Variants in ZNF761 observed in about 807,000 individuals in gnomAD.
ZNF761 encodes the protein zinc finger protein 761.
A neutral mutation model predicts 59.9 loss-of-function variants in ZNF761; 43 were observed. The observed-to-expected ratio is 0.72, with a 90% CI of 0.56 to 0.92. The LOEUF (loss-of-function observed/expected upper bound fraction) is 0.92. Ranked by LOEUF, ZNF761 falls within the 40% of genes least tolerant of loss-of-function variation. The pLI, the probability that ZNF761 is intolerant of heterozygous loss-of-function variation, is 0.00. For missense variants in ZNF761, 850 were observed against 906.1 expected (o/e 0.94, Z 0.79); for synonymous variants, 294 against 304.8 (o/e 0.96, Z 0.37).
intron 1 of ZNF761, among the ~76,000 whole-genome samples, chr19:53,437,233 A>G (rs1054079080): frequency 3.3e-5 from 5 of 151,762 alleles, no homozygotes; most frequent in African/African-American, 1.2e-4. Context: ...CAAAAGAAAC[A>G]CTTGAACCTG....
intron 1 of ZNF761, among the ~76,000 whole-genome samples, chr19:53,432,413 C>A (rs1172859205): frequency 6.6e-6 from 1 of 152,158 alleles, no homozygotes; most frequent in African/African-American, 2.4e-5. Context: ...TCTGCCTGGT[C>A]CTAGGATCCT....
chr19:53,450,235 G>A (rs1172260315), intron 4 of ZNF761: 7 of 171,798 alleles, frequency 4.1e-5, no homozygotes, highest in South Asian at 2.0e-4. Context: ...CCTGGGAATC[G>A]GAGGTTGCAG....
intron 1 of ZNF761, among the ~76,000 whole-genome samples, chr19:53,436,533 T>A (rs2086043925): frequency 1.3e-5 from 2 of 152,208 alleles, no homozygotes; most frequent in African/African-American, 2.4e-5. Context: ...AAAGAGCTGA[T>A]CTTATCTCAG....
intron 2 of ZNF761, 23 bp from the exon 3 acceptor site, chr19:53,447,173 A>C: frequency 6.6e-7 from 1 of 1,509,232 alleles, no homozygotes; most frequent in South Asian, 1.2e-5. Context: ...CTGAGCAATA[A>C]ACAACATATT....
chr19:53,445,281 G>GA (rs1283905301), intron 1 of ZNF761: 1 of 152,102 alleles, frequency 6.6e-6, no homozygotes, highest in Non-Finnish European at 1.5e-5. Context: ...TTCTTCTAAG[G>GA]AAAAATTAAA....
rs1169945693 is a variant in ZNF761 at position 53,455,989 on chromosome 19, C to G, written c.1482C>G (p.Tyr494Ter). 1.9e-6 allele frequency: 3 copies of G among 1,613,476 alleles called. No homozygotes were observed. Among genetic ancestry groups the G allele is most frequent in the South Asian group, 1.1e-5 (1 of 91,044 alleles). The change falls in exon 5 of 5, where the codon TAC becomes TAG. Residue 494 changes from tyrosine to a stop codon, truncating the protein, a stop_gained. Coordinates refer to ENST00000684525, the MANE Select transcript of ZNF761 (RefSeq NM_001289951.2). LOFTEE classifies it high-confidence loss of function. ...HRRIHTGEKPYKCNECGKTFS... is the reference protein window; with the variant it reads ...HRRIHTGEKP Reference sequence around the variant, plus strand: ...GAATTCATACTGGAGAGAAACCATACAAGTGTAATGAGTGTGGCAAGACCT... The same window carrying G: ...GAATTCATACTGGAGAGAAACCATAGAAGTGTAATGAGTGTGGCAAGACCT...
chr19:53,454,518 C>G (rs1412210684), intron 4 of ZNF761, 132 bp from the exon 5 acceptor site: 2 of 882,996 alleles, frequency 2.3e-6, no homozygotes, highest in Non-Finnish European at 3.3e-6. Flanking sequence ...TTATGCTTTT[C>G]TGTTCCTAAA....
intron 1 of ZNF761, among the ~76,000 whole-genome samples, chr19:53,435,127 G>A (rs4803115): frequency 6.6e-6 from 1 of 151,540 alleles, no homozygotes; most frequent in Non-Finnish European, 1.5e-5. Flanking sequence ...TCGGTAAAAG[G>A]GGGGGACCTT....
chr19:53,433,086 A>G (rs2617760), intron 1 of ZNF761, among the ~76,000 whole-genome samples: 125,488 of 149,690 alleles, frequency 0.84, 52,930 homozygotes, highest in Middle Eastern at 0.95. Flanking sequence ...GGGGAGAGCA[A>G]AGGAGGCGCA....
chr19:53,439,493 C>A (rs2086076979), intron 1 of ZNF761, among the ~76,000 whole-genome samples: 1 of 151,974 alleles, frequency 6.6e-6, no homozygotes, highest in Non-Finnish European at 1.5e-5. Flanking sequence ...GGAGTCTAGT[C>A]CAGGAGAGCT....
chr19:53,450,079 T>C (rs10775559), intron 4 of ZNF761: 90,847 of 341,794 alleles, frequency 0.27, 13,191 homozygotes, highest in African/African-American at 0.45. Flanking sequence ...CCAAGGTGGG[T>C]GGATCACGAG....
intron 3 of ZNF761, among the ~76,000 whole-genome samples, chr19:53,447,643 G>C (rs1403913541): frequency 6.6e-6 from 1 of 152,156 alleles, no homozygotes; most frequent in Non-Finnish European, 1.5e-5. Flanking sequence ...GCTGCCAATG[G>C]AAGTCATGTA....
chr19:53,453,800 CA>C (rs1277521057), intron 4 of ZNF761, among the ~76,000 whole-genome samples: 1 of 151,978 alleles, frequency 6.6e-6, no homozygotes, highest in Non-Finnish European at 1.5e-5. Flanking sequence ...GGCTTCAACC[CA>C]AAAGGTGGAT....
rs1405554568 is a variant in ZNF761 at position 53,452,749 on chromosome 19, C to T, written c.143-1901C>T. Among the ~76,000 whole-genome samples the T allele has an allele frequency of 2.0e-5, 3 of 152,176 alleles. 1 individual carries two copies. Among genetic ancestry groups the T allele is most frequent in the East Asian group, 3.9e-4 (2 of 5,186 alleles). On this transcript the variant is annotated intron_variant, in intron 4 of 4. Coordinates refer to ENST00000684525, the MANE Select transcript of ZNF761 (RefSeq NM_001289951.2). ...CTGACATGGTGGAAACAGGAACAGG[C>T]AACGAGCTCTTTAATATCTCTTTTT...
intron 1 of ZNF761, among the ~76,000 whole-genome samples, chr19:53,435,295 T>C (rs2086027767): frequency 1.1e-5 from 1 of 88,718 alleles, no homozygotes; most frequent in African/African-American, 4.8e-5. Flanking sequence ...AGTCCTTTTT[T>C]TTTTTTTTTT....
intron 3 of ZNF761, among the ~76,000 whole-genome samples, 194 bp downstream of exon 3, chr19:53,447,477 A>G (rs1166839415): frequency 6.6e-6 from 1 of 152,128 alleles, no homozygotes; most frequent in Non-Finnish European, 1.5e-5. Context: ...ACTTGGGAAG[A>G]GGCTGCACTG....
At chr19:53,449,902 A>G in intron 4 of ZNF761, 2 of 716,180 alleles carry the variant, frequency 2.8e-6, no homozygotes, top group Non-Finnish European at 4.3e-6. Flanking sequence ...GTGTTGTTGA[A>G]ATTCATCTTG....
chr19:53,456,028 A>G lies in ZNF761; in HGVS notation c.1521A>G (p.Ser507=), dbSNP rs146536801. ...NECGKTFSRK[S]YLTCHHRLHT... ...GTGGCAAGACCTTTAGTCGGAAGTCATACCTCACATGCCATCATAGACTTC... is the reference window on the plus strand; with the variant it reads ...GTGGCAAGACCTTTAGTCGGAAGTCGTACCTCACATGCCATCATAGACTTC... The change falls in exon 5 of 5, where the codon TCA becomes TCG. Residue 507 remains serine, a synonymous_variant. Coordinates refer to ENST00000684525, the MANE Select transcript of ZNF761 (RefSeq NM_001289951.2). 4.0e-5 allele frequency: 65 copies of G among 1,613,882 alleles called. No individual in the cohort carries two copies. Among genetic ancestry groups the G allele is most frequent in the Non-Finnish European group, 4.2e-6 (5 of 1,179,968 alleles).
intron 4 of ZNF761, among the ~76,000 whole-genome samples, chr19:53,451,577 T>G (rs1051637279): frequency 1.3e-5 from 2 of 151,780 alleles, no homozygotes; most frequent in African/African-American, 2.4e-5. Context: ...CTCTTTAGAC[T>G]TCTTTCATTT....
Sources: gnomAD v4.1 joint callset for allele counts (sites outside exome capture counted in the v4.1 genomes callset) on GRCh38, gnomAD v4.1.1 for gene constraint, MANE v1.5 for transcripts, NCBI Gene and HGNC (gene_info 2026-07-23, HGNC 2026-07-21) for gene names.